The following TNFRSF1B variants were observed in gnomAD, a reference collection of about 807,000 sequenced individuals.
TNFRSF1B encodes TNF receptor superfamily member 1B.
Under a neutral mutation model 44.6 loss-of-function variants are expected in TNFRSF1B, and 19 were observed. That is an observed-to-expected ratio of 0.43 (90% confidence interval 0.30 to 0.62). The LOEUF (loss-of-function observed/expected upper bound fraction) is 0.62. Ranked by LOEUF, TNFRSF1B falls within the 20% of genes least tolerant of loss-of-function variation. The probability of loss-of-function intolerance (pLI) is 0.16; values close to 1 mark genes in which losing one functional copy is unlikely to be tolerated. For synonymous variants in TNFRSF1B, 252 were observed against 261.1 expected, an observed-to-expected ratio of 0.97 and a Z score of 0.34; for missense variants, 541 against 619.9, an observed-to-expected ratio of 0.87 and a Z score of 1.35.
Position 12,191,085 on chromosome 1 carries a change from G to A in TNFRSF1B, c.307G>A (p.Asp103Asn), listed in dbSNP as rs762392997. Residue 103 changes from aspartate to asparagine, a missense_variant and splice_region_variant, in exon 3 of 10, where the codon GAC (aspartate) becomes AAC (asparagine). Coordinates refer to ENST00000376259, the MANE Select transcript of TNFRSF1B (RefSeq NM_001066.3). ...GAGCTGTGGCTCCCGCTGTAGCTCT[G>A]GTGAGTAGGTTCAGAGAAAAAGGGG... Reference protein sequence around the residue: ...CLSCGSRCSSDQVETQACTRE... With the variant: ...CLSCGSRCSSNQVETQACTRE... 5.6e-6 allele frequency: 9 copies of A among 1,613,652 alleles called. No individual in the cohort carries two copies. The highest frequency in any genetic ancestry group is 7.6e-6 in the Non-Finnish European group (9 of 1,179,730).
intron 8 of TNFRSF1B, among the ~76,000 whole-genome samples, chr1:12,201,117 A>G (rs1639382495): frequency 6.6e-6 from 1 of 152,142 alleles, no homozygotes; most frequent in Middle Eastern, 3.4e-3. Context: ...AAAATTAGCC[A>G]GGAGCAGTGA....
chr1:12,198,963 G>A (rs1020791501), intron 8 of TNFRSF1B, among the ~76,000 whole-genome samples: 4 of 152,100 alleles, frequency 2.6e-5, no homozygotes, highest in Non-Finnish European at 4.4e-5. Flanking sequence ...AAAGTGCTGG[G>A]ATTACAGGTG....
intron 1 of TNFRSF1B, among the ~76,000 whole-genome samples, chr1:12,173,982 A>T (rs1174642072): frequency 6.6e-6 from 1 of 151,728 alleles, no homozygotes; most frequent in Non-Finnish European, 1.5e-5. Flanking sequence ...CTTCTGCCCC[A>T]AGCGTGAGCC....
chr1:12,176,847 G>A (rs1370409130), intron 1 of TNFRSF1B, among the ~76,000 whole-genome samples: 1 of 152,182 alleles, frequency 6.6e-6, no homozygotes, highest in African/African-American at 2.4e-5. Context: ...CGAGAGGCTT[G>A]AGGGAGGAGG....
chr1:12,167,047 C>T lies in TNFRSF1B; in HGVS notation c.-45C>T, dbSNP rs1467242185. 1.6e-6 allele frequency: 2 copies of T among 1,231,156 alleles called. No individual in the cohort carries two copies. Among genetic ancestry groups the T allele is most frequent in the African/African-American group, 1.6e-5 (1 of 63,202 alleles). 76.3% of individuals were successfully genotyped at this position (1,231,156 alleles called of 1,614,324 possible). A position where few individuals can be genotyped will look rare whatever the true frequency, so the allele number is the denominator to read the frequency against. On this transcript the variant is annotated 5_prime_UTR_variant, in exon 1 of 10. Coordinates refer to ENST00000376259, the MANE Select transcript of TNFRSF1B (RefSeq NM_001066.3). ...GAGAGAAGGCGCTGGGCTGCGAGGG[C>T]GCGAGGGCGCGAGGGCAGGGGGCAA... is the stretch of plus-strand genomic sequence containing the variant.
rs60313758 is a variant in TNFRSF1B at position 12,198,691 on chromosome 1, G to GTTTTTTTTTTTTTT, written c.901-3272_901-3259dup. Reference sequence around the variant, plus strand: ...TGGCTGGCTGGCTGGCTGGAATTCTGTTTTTTTTTTTTTTTTTGAGAAAGA... The same window carrying GTTTTTTTTTTTTTT: ...TGGCTGGCTGGCTGGCTGGAATTCTGTTTTTTTTTTTTTTTTTTTTTTTTTTTTTTTGAGAAAGA... On this transcript the variant is annotated intron_variant, in intron 8 of 9. Coordinates refer to ENST00000376259, the MANE Select transcript of TNFRSF1B (RefSeq NM_001066.3). 9.2e-3 allele frequency among the ~76,000 whole-genome samples: 787 copies of GTTTTTTTTTTTTTT among 85,432 alleles called. 126 individuals carry two copies. The highest frequency in any genetic ancestry group is 0.02 in the East Asian group (60 of 2,974). 56.0% of individuals were successfully genotyped at this position (85,432 alleles called of 152,430 possible).
In TNFRSF1B at chr1:12,184,482, G is replaced by C. The variant is rs147663429; in HGVS notation, c.79-4314G>C. ...TCCTACCCCCTCTGCCGGCTACCGG[G>C]GGGGCTGGAGCCACACAGAGCCAGG... On this transcript the variant is annotated intron_variant, in intron 1 of 9. Transcript: ENST00000376259. Among the ~76,000 whole-genome samples, 516 of 152,294 alleles carry C rather than the reference G, an allele frequency of 3.4e-3. 2 individuals are homozygous for C. The highest frequency in any genetic ancestry group is 0.011 in the African/African-American group (477 of 41,562).
rs1270023515 is a variant in TNFRSF1B, at chr1:12,180,463, C to G, written c.79-8333C>G. ...TGAGGGCCCCCACCTCGGGTACTTGCAGGGCCTTGGCCTGGGAACAGGACA... is the reference window on the plus strand; with the variant it reads ...TGAGGGCCCCCACCTCGGGTACTTGGAGGGCCTTGGCCTGGGAACAGGACA... On this transcript the variant is annotated intron_variant, in intron 1 of 9. Coordinates refer to ENST00000376259, the MANE Select transcript of TNFRSF1B (RefSeq NM_001066.3). The surrounding 1 kb of genome is among the most constrained non-coding windows in gnomAD (Gnocchi z 4.3). 1.3e-5 allele frequency among the ~76,000 whole-genome samples: 2 copies of G among 152,198 alleles called. No individual in the cohort carries two copies. The highest frequency in any genetic ancestry group is 2.9e-5 in the Non-Finnish European group (2 of 68,026).
rs1639211061 is a variant in TNFRSF1B at position 12,194,004 on chromosome 1, G to T, written c.837G>T (p.Val279=). 1.2e-6 allele frequency: 2 copies of T among 1,613,920 alleles called. No homozygotes were observed. The highest frequency in any genetic ancestry group is 1.7e-6 in the Non-Finnish European group (2 of 1,179,952). Residue 279 remains valine (V), a synonymous_variant, in exon 7 of 10, where the codon GTG becomes GTT. Transcript: ENST00000376259. ...TGGGTCTACTAATAATAGGAGTGGTGAACTGTGTCATCATGACCCAGGTGA... is the reference window on the plus strand; with the variant it reads ...TGGGTCTACTAATAATAGGAGTGGTTAACTGTGTCATCATGACCCAGGTGA... The part of the protein sequence containing the change: ...TALGLLIIGV[V]NCVIMTQVKK...
In TNFRSF1B at chr1:12,192,846, G is replaced by GCCT. The variant is rs747930689; in HGVS notation, c.552-5_552-3dup. On this transcript the variant is annotated splice_polypyrimidine_tract_variant and intron_variant, in intron 5 of 9. Coordinates refer to ENST00000376259, the MANE Select transcript of TNFRSF1B (RefSeq NM_001066.3). ...CTGTCCCCTGCTGCCTCCTGACCAA[G>GCCT]CCTCCTCCTCCTCCAGCTGTAACGT... The GCCT allele has an allele frequency of 9.4e-6, 15 of 1,604,206 alleles. No homozygotes were observed. Among genetic ancestry groups the GCCT allele is most frequent in the Admixed American group, 5.0e-5 (3 of 59,602 alleles).
intron 8 of TNFRSF1B, 35 bp downstream of exon 8, chr1:12,194,653 CT>C (rs774597320): frequency 1.2e-6 from 2 of 1,613,636 alleles, no homozygotes; most frequent in Non-Finnish European, 1.7e-6. Context: ...CCCTCTTCCC[CT>C]GGTCTCCTTC....
At chr1:12,197,674 A>G (rs906200842) in intron 8 of TNFRSF1B, among the ~76,000 whole-genome samples, 2 of 151,894 alleles carry the variant, frequency 1.3e-5, no homozygotes, top group African/African-American at 4.8e-5. Context: ...GTCCCACGCT[A>G]CTCCTCAACC....
chr1:12,191,890 A>G lies in TNFRSF1B; in HGVS notation c.424A>G (p.Lys142Glu). The G allele has an allele frequency of 1.2e-6, 2 of 1,610,098 alleles. No individual in the cohort carries two copies. Among genetic ancestry groups the G allele is most frequent in the Non-Finnish European group, 1.7e-6 (2 of 1,178,748 alleles). Residue 142 changes from lysine (K) to glutamate (E), a missense_variant, in exon 4 of 10, where the codon AAG becomes GAG. Coordinates refer to ENST00000376259, the MANE Select transcript of TNFRSF1B (RefSeq NM_001066.3). Reference sequence around the variant, plus strand: ...GTGCCGGCTGTGCGCGCCGCTGCGCAAGTGCCGCCCGGGCTTCGGCGTGGC... The same window carrying G: ...GTGCCGGCTGTGCGCGCCGCTGCGCGAGTGCCGCCCGGGCTTCGGCGTGGC... The part of the protein sequence containing the change: ...EGCRLCAPLR[K>E]CRPGFGVARP...
chr1:12,204,818 C>CAACA (rs1553165604), intron 9 of TNFRSF1B, among the ~76,000 whole-genome samples: 18 of 151,288 alleles, frequency 1.2e-4, no homozygotes, highest in African/African-American at 4.4e-4. Context: ...CCACCACCAA[C>CAACA]AAAAAAACCC....
rs1638710852 is a variant in TNFRSF1B, at chr1:12,178,424, G to T, written c.79-10372G>T. 6.6e-6 allele frequency among the ~76,000 whole-genome samples: 1 copy of T among 152,190 alleles called. No homozygotes were observed. The highest frequency in any genetic ancestry group is 1.5e-5 in the Non-Finnish European group (1 of 68,042). ...CTGTTTCTGTCGCCATTTTATAGAT[G>T]ATAAAGTGGAGGTGGGGGAATGGCA... is the stretch of plus-strand genomic sequence containing the variant. On this transcript the variant is annotated intron_variant, in intron 1 of 9. Coordinates refer to ENST00000376259, the MANE Select transcript of TNFRSF1B (RefSeq NM_001066.3). This position sits in a 1 kb window ranked among gnomAD's most constrained non-coding sequence, Gnocchi z 4.3.
In TNFRSF1B at chr1:12,169,069, C is replaced by T. The variant is rs1286016957; in HGVS notation, c.78+1900C>T. Among the ~76,000 whole-genome samples the T allele has an allele frequency of 6.6e-6, 1 of 152,190 alleles. No individual in the cohort carries two copies. Among genetic ancestry groups the T allele is most frequent in the Non-Finnish European group, 1.5e-5 (1 of 68,040 alleles). Reference sequence around the variant, plus strand: ...CCCCTCTCCAAGGGACACTTCTTACCCCTATCCTTCAAGGCCTTCTGCAAA... The same window carrying T: ...CCCCTCTCCAAGGGACACTTCTTACTCCTATCCTTCAAGGCCTTCTGCAAA... On this transcript the variant is annotated intron_variant, in intron 1 of 9. Coordinates refer to ENST00000376259, the MANE Select transcript of TNFRSF1B (RefSeq NM_001066.3). This position sits in a 1 kb window ranked among gnomAD's most constrained non-coding sequence, Gnocchi z 4.5.
At chr1:12,188,580 G>C (rs1329338737) in intron 1 of TNFRSF1B, among the ~76,000 whole-genome samples, 1 of 152,184 alleles carries the variant, frequency 6.6e-6, no homozygotes, top group African/African-American at 2.4e-5. Flanking sequence ...CTGCAGACAT[G>C]ACTAGGGTAC....
intron 1 of TNFRSF1B, among the ~76,000 whole-genome samples, chr1:12,179,210 G>A (rs1187255599): frequency 6.6e-6 from 1 of 152,180 alleles, no homozygotes; most frequent in African/African-American, 2.4e-5. Flanking sequence ...GCAGCGAGTC[G>A]GGAGTGGGAT....
At chr1:12,189,038 C>T (rs962813812) in intron 2 of TNFRSF1B, 143 bp downstream of exon 2, 4 of 658,234 alleles carry the variant, frequency 6.1e-6, no homozygotes, top group African/African-American at 1.9e-5. Context: ...TGCTTCTGGG[C>T]CTGTGAACAT....
Sources: gnomAD v4.1 joint callset for allele counts (sites outside exome capture counted in the v4.1 genomes callset) on GRCh38, gnomAD v4.1.1 for gene constraint, Gnocchi (gnomAD v3.1) non-coding constraint, MANE v1.5 for transcripts, NCBI Gene and HGNC (gene_info 2026-07-23, HGNC 2026-07-21) for gene names.